WDR7: variants seen among roughly 807,000 people sequenced by gnomAD.
WDR7 encodes WD repeat-containing protein 7.
A neutral mutation model predicts 169.4 loss-of-function variants in WDR7; 46 were observed. The ratio of observed to expected loss-of-function variants is 0.27; its 90% confidence interval spans 0.21 to 0.35. WDR7 has a LOEUF of 0.35. Ranked by LOEUF, WDR7 falls within the 10% of genes least tolerant of loss-of-function variation. The pLI is 1.00. For missense variants in WDR7, 1,534 were observed against 1,859.3 expected (o/e 0.83, Z 3.22); for synonymous variants, 612 against 666.8 (o/e 0.92, Z 1.27).
At chr18:56,918,494 G>A (rs569127253) in intron 21 of WDR7, among the ~76,000 whole-genome samples, 1 of 152,118 alleles carries the variant, frequency 6.6e-6, no homozygotes, top group African/African-American at 2.4e-5. Flanking sequence ...GCATGTATTA[G>A]TACTATTTCA....
chr18:56,897,441 A>G (rs2046345450), intron 21 of WDR7, among the ~76,000 whole-genome samples: 1 of 152,002 alleles, frequency 6.6e-6, no homozygotes, highest in Non-Finnish European at 1.5e-5. Flanking sequence ...ATGAAGTTCA[A>G]AACCATGTAA....
intron 2 of WDR7, among the ~76,000 whole-genome samples, chr18:56,676,648 A>T (rs1436314447): frequency 6.6e-6 from 1 of 152,182 alleles, no homozygotes; most frequent in Non-Finnish European, 1.5e-5. Flanking sequence ...CACAAACAAA[A>T]AAGGACAACT....
chr18:56,954,671 A>T (rs575175298), intron 25 of WDR7, among the ~76,000 whole-genome samples: 2 of 152,144 alleles, frequency 1.3e-5, no homozygotes, highest in Non-Finnish European at 2.9e-5. Flanking sequence ...ATGATAAATC[A>T]TCTGTGTTTC....
chr18:56,960,953 A>G (rs1330575830), intron 25 of WDR7, among the ~76,000 whole-genome samples: 1 of 151,982 alleles, frequency 6.6e-6, no homozygotes, highest in Non-Finnish European at 1.5e-5. Context: ...AGGACACACT[A>G]AAGTGGTTTC....
At chr18:56,709,995 T>C (rs1008371467) in intron 12 of WDR7, among the ~76,000 whole-genome samples, 2 of 143,682 alleles carry the variant, frequency 1.4e-5, no homozygotes, top group African/African-American at 2.7e-5. Flanking sequence ...AATTTATATA[T>C]ATATATAGTT....
chr18:56,943,128 C>G (rs1448466125), intron 25 of WDR7, among the ~76,000 whole-genome samples: 1 of 152,154 alleles, frequency 6.6e-6, no homozygotes, highest in Non-Finnish European at 1.5e-5. Context: ...ATATGAACAA[C>G]AACAAAGGTA....
chr18:56,815,966 A>C, intron 19 of WDR7, 65 bp from the exon 20 acceptor site: 1 of 1,355,650 alleles, frequency 7.4e-7, no homozygotes. Flanking sequence ...AAAAATCTTC[A>C]AACTTTCTGT....
chr18:56,982,284 A>G (rs1568298706), intron 26 of WDR7, among the ~76,000 whole-genome samples: 1 of 152,220 alleles, frequency 6.6e-6, no homozygotes, highest in Non-Finnish European at 1.5e-5. Context: ...AATATTCTTA[A>G]AAGAAATTAT....
At chr18:56,698,474 C>T (rs1374069125) in intron 12 of WDR7, among the ~76,000 whole-genome samples, 1 of 151,570 alleles carries the variant, frequency 6.6e-6, no homozygotes, top group Non-Finnish European at 1.5e-5. Context: ...GGCATGGTGG[C>T]AGGCGCCTGT....
At chr18:56,727,875 C>G (rs1219365686) in intron 13 of WDR7, among the ~76,000 whole-genome samples, 3 of 152,134 alleles carry the variant, frequency 2.0e-5, no homozygotes, top group Admixed American at 2.0e-4. Flanking sequence ...AGACTTTATT[C>G]CAACTTTTCC....
intron 24 of WDR7, 88 bp from the exon 25 acceptor site, chr18:56,939,219 TTCTA>T (rs2047001821): frequency 1.1e-6 from 1 of 918,098 alleles, no homozygotes; most frequent in Admixed American, 2.8e-5. Context: ...TATATAGACT[TTCTA>T]TGGGCAAATG....
intron 26 of WDR7, among the ~76,000 whole-genome samples, chr18:56,996,854 T>TA (rs1483373145): frequency 6.6e-6 from 1 of 152,242 alleles, no homozygotes; most frequent in Non-Finnish European, 1.5e-5. Context: ...AACTGTCATA[T>TA]AGCACTTAAA....
intron 16 of WDR7, among the ~76,000 whole-genome samples, chr18:56,771,148 C>T (rs985547985): frequency 4.6e-5 from 7 of 152,178 alleles, no homozygotes; most frequent in African/African-American, 1.7e-4. Context: ...AATACCAATA[C>T]CACCAAAACT....
chr18:56,706,505 G>A (rs2025958678), intron 12 of WDR7, among the ~76,000 whole-genome samples: 1 of 152,122 alleles, frequency 6.6e-6, no homozygotes, highest in Non-Finnish European at 1.5e-5. Context: ...TCTGTGAAGT[G>A]TTGGTTTAAG....
intron 14 of WDR7, among the ~76,000 whole-genome samples, chr18:56,734,317 A>G (rs2026650039): frequency 6.6e-6 from 1 of 151,930 alleles, no homozygotes; most frequent in South Asian, 2.1e-4. Context: ...TTTGTGACAG[A>G]TTGACATTTT....
rs138197205 is a variant in WDR7 at position 56,783,051 on chromosome 18, A to G, written c.3190+1395A>G. On this transcript the variant is annotated intron_variant, in intron 19 of 27. Transcript: ENST00000254442. ...CTTATAGCCGAAGTATCACACATTAACAGCTCCAGTGAAAATTCTTAATTG... is the reference window on the plus strand; with the variant it reads ...CTTATAGCCGAAGTATCACACATTAGCAGCTCCAGTGAAAATTCTTAATTG... Among the ~76,000 whole-genome samples the G allele has an allele frequency of 1.5e-3, 223 of 152,226 alleles. 4 individuals carry two copies. In the East Asian group the frequency reaches 0.037, roughly 25 times the overall value.
chr18:56,956,562 G>A (rs7241011), intron 25 of WDR7, among the ~76,000 whole-genome samples: 6 of 152,042 alleles, frequency 3.9e-5, no homozygotes, highest in African/African-American at 1.5e-4. Flanking sequence ...AGCCAAGGAG[G>A]TTGAGGTAGT....
At chr18:56,967,807 T>G (rs980387921) in intron 26 of WDR7, among the ~76,000 whole-genome samples, 2 of 152,188 alleles carry the variant, frequency 1.3e-5, no homozygotes, top group African/African-American at 4.8e-5. Context: ...GCATTTACAT[T>G]TAACAAAAGC....
rs147113404 is a variant in WDR7, at chr18:56,997,128, A to G, written c.4165-23617A>G. ...ACTTGCATTGAGACCTTAAAAAATC[A>G]AATTTAAAACAAACCTGGATAAACA... On this transcript the variant is annotated intron_variant, in intron 26 of 27. Coordinates refer to ENST00000254442, the MANE Select transcript of WDR7 (RefSeq NM_015285.3). Among the ~76,000 whole-genome samples the G allele has an allele frequency of 7.6e-3, 1,154 of 152,332 alleles. 5 individuals carry two copies. The highest frequency in any genetic ancestry group is 0.013 in the Non-Finnish European group (876 of 68,018).
Sources: allele counts gnomAD v4.1 joint callset (sites outside exome capture counted in the v4.1 genomes callset), GRCh38; gene constraint gnomAD v4.1.1; transcripts MANE v1.5; gene names NCBI Gene and HGNC (gene_info 2026-07-23, HGNC 2026-07-21).